NOX5: variants seen among roughly 807,000 people sequenced by gnomAD.
NOX5 encodes NADPH oxidase, EF-hand calcium binding domain 5.
NOX5 carries 76 observed loss-of-function variants against 85.7 expected under a neutral mutation model. The ratio of observed to expected loss-of-function variants is 0.89; its 90% CI spans 0.74 to 1.07. NOX5 has a LOEUF of 1.07. Ranked by LOEUF, NOX5 falls within the 50% of genes least tolerant of loss-of-function variation. The pLI is 0.00. For synonymous variants in NOX5, 405 were observed against 401.4 expected, an observed-to-expected ratio of 1.01 and a Z score of -0.11; for missense variants, 973 against 999.5, an observed-to-expected ratio of 0.97 and a Z score of 0.36.
chr15:69,020,578 G>A (rs1028813556), intron 1 of NOX5, among the ~76,000 whole-genome samples: 1 of 151,394 alleles, frequency 6.6e-6, no homozygotes, highest in Non-Finnish European at 1.5e-5. Flanking sequence ...ATTTCCATTT[G>A]TAACTGCTTT....
intron 3 of NOX5, chr15:69,028,629 T>C (rs2050390661): frequency 3.2e-6 from 1 of 313,430 alleles, no homozygotes; most frequent in Admixed American, 4.7e-5. Flanking sequence ...TGCCTTCTAT[T>C]CAACTTACCA....
At chr15:69,044,077 G>T (rs1221534904) in intron 10 of NOX5, among the ~76,000 whole-genome samples, 1 of 151,926 alleles carries the variant, frequency 6.6e-6, no homozygotes, top group East Asian at 1.9e-4. Flanking sequence ...CCAGCTACTC[G>T]GGAGGCTGGG....
chr15:69,016,223 G>C (rs938034601), intron 1 of NOX5, among the ~76,000 whole-genome samples: 2 of 152,110 alleles, frequency 1.3e-5, no homozygotes, highest in Admixed American at 6.5e-5. Flanking sequence ...GCAGGAGCTG[G>C]CCTATCTCAG....
chr15:69,023,731 G>T, intron 1 of NOX5: 1 of 170,412 alleles, frequency 5.9e-6, no homozygotes, highest in South Asian at 1.4e-4. Flanking sequence ...AATCTTGTTA[G>T]GATTAAAGAC....
Position 69,035,439 on chromosome 15 carries a change from A to G in NOX5, c.941A>G (p.His314Arg). 6.2e-7 allele frequency: 1 copy of G among 1,614,210 alleles called. No homozygotes were observed. Among genetic ancestry groups the G allele is most frequent in the Non-Finnish European group, 8.5e-7 (1 of 1,180,032 alleles). ...CCACTGGACCAGAACATCCAGTTCC[A>G]CCAGCTTATGGGCTACGTGGTAGTG... ...VLPLDQNIQF[H>R]QLMGYVVVGL... The change falls in exon 6 of 16, where the codon CAC becomes CGC. Residue 314 changes from histidine to arginine, a missense_variant. His to Arg is a conservative substitution (Grantham distance 29). Transcript: ENST00000388866.
intron 2 of NOX5, among the ~76,000 whole-genome samples, chr15:69,027,486 G>T (rs1446677842): frequency 6.6e-6 from 1 of 152,110 alleles, no homozygotes; most frequent in Non-Finnish European, 1.5e-5. Flanking sequence ...CCTCATACTT[G>T]TGAACCCCTC....
chr15:69,043,871 A>G (rs1421105099), intron 10 of NOX5, among the ~76,000 whole-genome samples: 1 of 152,170 alleles, frequency 6.6e-6, no homozygotes, highest in Non-Finnish European at 1.5e-5. Context: ...CAGCAACTCC[A>G]TTTTAGAGAT....
In NOX5 at chr15:69,035,386, G is replaced by A. The variant is rs1303933639; in HGVS notation, c.888G>A (p.Leu296=). Residue 296 remains leucine, a synonymous_variant, in exon 6 of 16, where the codon CTG becomes CTA. Transcript: ENST00000388866. The part of the protein sequence containing the change: ...VLMLRRCLTW[L]RATWLAQVLP... The stretch of plus-strand genomic sequence containing the variant: ...TGCTCAGACGCTGCCTCACCTGGCT[G>A]CGGGCCACGTGGCTGGCTCAAGTCC... 16 of 1,614,076 alleles carry A rather than the reference G, an allele frequency of 9.9e-6. No homozygotes were observed. Among genetic ancestry groups the A allele is most frequent in the African/African-American group, 1.3e-5 (1 of 74,944 alleles).
rs2050858486 is a variant in NOX5 at position 69,060,092 on chromosome 15, G to T, written c.*3396G>T. On this transcript the variant is annotated 3_prime_UTR_variant, in exon 16 of 16. Transcript: ENST00000388866. ...AAACACAAGCCCACTGAACCACTTT[G>T]CCAGGTGCCATTGCACTGTTCTGTG... The T allele has an allele frequency of 6.6e-6, 1 of 152,324 alleles. No homozygotes were observed. Among genetic ancestry groups the T allele is most frequent in the Non-Finnish European group, 1.5e-5 (1 of 68,076 alleles). The allele number at this position is 152,324 out of a possible 1,614,324, so 9.4% of individuals were successfully genotyped here. A position where few individuals can be genotyped will look rare whatever the true frequency, so the allele number is the denominator to read the frequency against.
At position 69,062,505 on chromosome 15, in the gene NOX5, C is replaced by T. The variant is rs778026818; in HGVS notation, c.*5809C>T. 2 of 152,206 alleles carry T rather than the reference C, an allele frequency of 1.3e-5. No individual in the cohort carries two copies. Among genetic ancestry groups the T allele is most frequent in the Non-Finnish European group, 2.9e-5 (2 of 68,046 alleles). 9.4% of individuals were successfully genotyped at this position (152,206 alleles called of 1,614,324 possible). On this transcript the variant is annotated 3_prime_UTR_variant, in exon 16 of 16. Transcript: ENST00000388866. ...ACCATTACAGCCAGTATTACCTGGCCCTTGCCTACCTCTCAGGTCTTGGCA... is the reference window on the plus strand; with the variant it reads ...ACCATTACAGCCAGTATTACCTGGCTCTTGCCTACCTCTCAGGTCTTGGCA...
intron 11 of NOX5, 120 bp from the exon 12 acceptor site, chr15:69,047,293 A>G: frequency 7.4e-7 from 1 of 1,350,986 alleles, no homozygotes. Context: ...CCTGGCTTCC[A>G]GCCCAGGAGA....
rs1226355570 is a variant in NOX5, at chr15:69,033,110, G to C, written c.688G>C (p.Ala230Pro). 1 of 1,556,652 alleles carries C rather than the reference G, an allele frequency of 6.4e-7. No individual in the cohort carries two copies. The highest frequency in any genetic ancestry group is 1.2e-5 in the South Asian group (1 of 86,500). ...RPRRPRQLTR[A>P]YWHNHRSQLF... ...GCGCCGGCCGCGCCAGCTGACCCGC[G>C]CCTACTGGCACAACCACCGCAGCCA... Residue 230 changes from alanine to proline, a missense_variant, in exon 5 of 16, where the codon GCC becomes CCC. By Grantham distance (27) the Ala-to-Pro change is conservative. Transcript: ENST00000388866.
At chr15:69,022,466 C>T (rs1043381107) in intron 1 of NOX5, 21 of 176,466 alleles carry the variant, frequency 1.2e-4, no homozygotes, top group African/African-American at 4.2e-4. Context: ...TTCTGGGACC[C>T]GCAAGTGGAG....
chr15:69,033,921 T>G (rs975579045), intron 5 of NOX5, among the ~76,000 whole-genome samples: 1 of 152,072 alleles, frequency 6.6e-6, no homozygotes, highest in African/African-American at 2.4e-5. Flanking sequence ...CTCGAACTCC[T>G]GACCTCAGGT....
chr15:69,048,014 T>C (rs924390254), intron 13 of NOX5, 103 bp downstream of exon 13: 5 of 950,554 alleles, frequency 5.3e-6, no homozygotes, highest in Admixed American at 4.1e-5. Flanking sequence ...GGATAGGTGA[T>C]CCCTAATGGG....
intron 1 of NOX5, among the ~76,000 whole-genome samples, chr15:69,021,844 A>T (rs912104872): frequency 6.6e-6 from 1 of 152,050 alleles, no homozygotes; most frequent in African/African-American, 2.4e-5. Context: ...TAGTTTTTTA[A>T]AAGAACCAAC....
intron 11 of NOX5, 147 bp from the exon 12 acceptor site, chr15:69,047,266 A>G: frequency 1.0e-6 from 1 of 966,114 alleles, no homozygotes; most frequent in South Asian, 2.0e-5. Flanking sequence ...AGAGCACTGG[A>G]GTGGGAGCCA....
At chr15:69,035,682 G>C in intron 6 of NOX5, 76 bp from the exon 7 acceptor site, 1 of 1,579,962 alleles carries the variant, frequency 6.3e-7, no homozygotes, top group Non-Finnish European at 8.6e-7. Context: ...ATGGTGCAGG[G>C]TGGGGATCCC....
At chr15:69,039,800 G>A (rs8023312) in intron 9 of NOX5, among the ~76,000 whole-genome samples, 1,663 of 152,274 alleles carry the variant, frequency 0.011, 37 homozygotes, top group African/African-American at 0.038. Flanking sequence ...ACTCTCACCC[G>A]TGCACGTGCC....
Sources: allele counts gnomAD v4.1 joint callset (sites outside exome capture counted in the v4.1 genomes callset), GRCh38; gene constraint gnomAD v4.1.1; transcripts MANE v1.5; gene names NCBI Gene and HGNC (gene_info 2026-07-23, HGNC 2026-07-21).